COL5A1: variants seen among roughly 807,000 people sequenced by gnomAD.
The protein encoded by COL5A1 is collagen type V alpha 1 chain, also known as collagen alpha-1(V) chain.
A neutral mutation model predicts 263.7 loss-of-function variants in COL5A1; 16 were observed. That is an observed-to-expected ratio of 0.06 (90% CI 0.04 to 0.09). The LOEUF is 0.09. Ranked by LOEUF, COL5A1 falls within the 10% of genes least tolerant of loss-of-function variation. COL5A1 has a pLI of 1.00. For missense variants in COL5A1, 2,036 were observed against 2,540.5 expected, an observed-to-expected ratio of 0.80 and a Z score of 4.27; for synonymous variants, 1,012 against 1,004.5, an observed-to-expected ratio of 1.01 and a Z score of -0.14.
chr9:134,797,086 G>A (rs1348268311), intron 36 of COL5A1, among the ~76,000 whole-genome samples, 185 bp downstream of exon 36: 1 of 152,264 alleles, frequency 6.6e-6, no homozygotes, highest in Non-Finnish European at 1.5e-5. Context: ...CCACCGCCAA[G>A]GCGGCTGTGG....
intron 27 of COL5A1, among the ~76,000 whole-genome samples, chr9:134,775,165 G>A (rs1368591004): frequency 3.3e-5 from 5 of 152,344 alleles, no homozygotes; most frequent in East Asian, 1.9e-4. Context: ...TGGTGACGAC[G>A]CCAGGGGCGC....
chr9:134,795,412 TAA>T (rs79903250), intron 34 of COL5A1, 97 bp downstream of exon 34: 5,696 of 764,038 alleles, frequency 7.5e-3, no homozygotes, highest in South Asian at 1.0e-2. Flanking sequence ...CCTTTTTTAT[TAA>T]AAAAAAAAAA....
chr9:134,785,787 C>T (rs1014939564), intron 30 of COL5A1, among the ~76,000 whole-genome samples: 5 of 152,156 alleles, frequency 3.3e-5, no homozygotes, highest in African/African-American at 4.8e-5. Flanking sequence ...GTGCAGGGAC[C>T]ATCGGGTACC....
chr9:134,734,585 T>A (rs1204607043), intron 9 of COL5A1, among the ~76,000 whole-genome samples: 1 of 152,234 alleles, frequency 6.6e-6, no homozygotes, highest in African/African-American at 2.4e-5. Context: ...TCTTGGGAGA[T>A]GCATCTGTTC....
In COL5A1 at chr9:134,678,918, A is replaced by C. The variant is rs1049082161; in HGVS notation, c.110-11994A>C. Among the ~76,000 whole-genome samples the C allele has an allele frequency of 6.6e-5, 10 of 152,168 alleles. No homozygotes were observed. The highest frequency in any genetic ancestry group is 1.0e-4 in the Non-Finnish European group (7 of 68,034). Reference sequence around the variant, plus strand: ...TACCCCCTGCTGGGGGGCAGGCGTTAGATCTGTGCAGGGTGAGGCTCCGAG... The same window carrying C: ...TACCCCCTGCTGGGGGGCAGGCGTTCGATCTGTGCAGGGTGAGGCTCCGAG... On this transcript the variant is annotated intron_variant, in intron 1 of 65. Coordinates refer to ENST00000371817, the MANE Select transcript of COL5A1 (RefSeq NM_000093.5). The surrounding 1 kb of genome is among the most constrained non-coding windows in gnomAD (Gnocchi z 5.5).
chr9:134,816,078 C>T, intron 52 of COL5A1, 90 bp downstream of exon 52: 3 of 1,267,396 alleles, frequency 2.4e-6, no homozygotes, highest in Non-Finnish European at 3.5e-6. Context: ...CTGGGAAAAA[C>T]TCCAACCTAG....
intron 1 of COL5A1, among the ~76,000 whole-genome samples, chr9:134,685,034 T>TCATCCATCCAC (rs1157669114): frequency 1.5e-5 from 1 of 64,976 alleles, no homozygotes; most frequent in Non-Finnish European, 3.4e-5. Context: ...ATCCATCCAT[T>TCATCCATCCAC]CATCCATCCA....
At chr9:134,802,071 T>C in intron 38 of COL5A1, 64 bp downstream of exon 38, 1 of 1,512,778 alleles carries the variant, frequency 6.6e-7, no homozygotes, top group Non-Finnish European at 9.2e-7. Flanking sequence ...GGGAAGAGGG[T>C]CCCAGCCCGG....
intron 38 of COL5A1, 68 bp from the exon 39 acceptor site, chr9:134,802,820 A>C (rs972687135): frequency 3.4e-6 from 4 of 1,184,606 alleles, no homozygotes; most frequent in Non-Finnish European, 5.0e-6. Flanking sequence ...CCTTAGATTT[A>C]GGAAGAGATT....
chr9:134,775,548 A>T (rs1169965168), intron 27 of COL5A1, among the ~76,000 whole-genome samples: 1 of 152,218 alleles, frequency 6.6e-6, no homozygotes, highest in Non-Finnish European at 1.5e-5. Context: ...GTCACAGCCC[A>T]GCTAACTGTG....
intron 37 of COL5A1, among the ~76,000 whole-genome samples, chr9:134,800,967 G>A (rs1838092646): frequency 6.6e-6 from 1 of 152,170 alleles, no homozygotes; most frequent in Non-Finnish European, 1.5e-5. Flanking sequence ...AGGTGTGCAT[G>A]TCTCCACCAG....
At chr9:134,656,588 T>G (rs981092554) in intron 1 of COL5A1, among the ~76,000 whole-genome samples, 1 of 152,144 alleles carries the variant, frequency 6.6e-6, no homozygotes, top group Non-Finnish European at 1.5e-5. Flanking sequence ...GTGTGCCCGG[T>G]GTGCAGGACA....
At chr9:134,736,183 C>T (rs1835092482) in intron 9 of COL5A1, among the ~76,000 whole-genome samples, 1 of 141,484 alleles carries the variant, frequency 7.1e-6, no homozygotes, top group Admixed American at 6.8e-5. Flanking sequence ...TGGACACAAC[C>T]TTTGACTTGT....
chr9:134,693,163 C>T (rs1275498787), intron 2 of COL5A1, among the ~76,000 whole-genome samples: 2 of 151,938 alleles, frequency 1.3e-5, no homozygotes, highest in South Asian at 4.1e-4. Context: ...GGGACCCCAT[C>T]CCTGAGCAGG....
At chr9:134,756,384 G>A (rs1001764151) in intron 16 of COL5A1, among the ~76,000 whole-genome samples, 8 of 152,204 alleles carry the variant, frequency 5.3e-5, no homozygotes, top group Admixed American at 2.0e-4. Context: ...TGTCTGTGAT[G>A]TCAGTGGCCT....
intron 1 of COL5A1, among the ~76,000 whole-genome samples, chr9:134,645,422 G>T (rs570809326): frequency 1.2e-4 from 19 of 152,216 alleles, no homozygotes; most frequent in Non-Finnish European, 2.4e-4. Flanking sequence ...GCAGTGAGCT[G>T]CCCCGCTGGA....
chr9:134,772,027 G>T (rs561280863), intron 25 of COL5A1, among the ~76,000 whole-genome samples: 2 of 152,308 alleles, frequency 1.3e-5, no homozygotes, highest in African/African-American at 2.4e-5. Context: ...GCCCAGGCAG[G>T]CAGGAGACAC....
At chr9:134,763,555 C>A in intron 19 of COL5A1, 138 bp from the exon 20 acceptor site, 1 of 876,926 alleles carries the variant, frequency 1.1e-6, no homozygotes, top group Non-Finnish European at 1.9e-6. Flanking sequence ...CCAGGCCTTT[C>A]CGGCTGGTAC....
At chr9:134,717,383 T>C (rs1441357118) in intron 4 of COL5A1, among the ~76,000 whole-genome samples, 1 of 152,206 alleles carries the variant, frequency 6.6e-6, no homozygotes, top group African/African-American at 2.4e-5. Context: ...CAGCAGCCTC[T>C]GGGGCCAGCG....
Sources: allele counts gnomAD v4.1 joint callset (sites outside exome capture counted in the v4.1 genomes callset), GRCh38; gene constraint gnomAD v4.1.1; non-coding constraint Gnocchi (gnomAD v3.1); transcripts MANE v1.5; gene names NCBI Gene and HGNC (gene_info 2026-07-23, HGNC 2026-07-21).